Variants in DDX11 observed in about 807,000 individuals in gnomAD.
DDX11 encodes the protein DEAD/H-box helicase 11, also known as ATP-dependent DNA helicase DDX11.
DDX11 carries 72 observed loss-of-function variants against 125.2 expected under a neutral mutation model. The ratio of observed to expected loss-of-function variants is 0.58; its 90% CI spans 0.48 to 0.70. The LOEUF is 0.70. DDX11 is among the 30% of genes least tolerant of loss of function. The pLI is 0.00. For synonymous variants in DDX11, 347 were observed against 452.6 expected, an observed-to-expected ratio of 0.77 and a Z score of 2.96; for missense variants, 883 against 1,165.0, an observed-to-expected ratio of 0.76 and a Z score of 3.52.
intron 25 of DDX11, 73 bp from the exon 26 acceptor site, chr12:31,103,504 G>C (rs1172018309): frequency 1.2e-6 from 2 of 1,610,470 alleles, no homozygotes; most frequent in Non-Finnish European, 1.7e-6. Flanking sequence ...GGAAGGGGAG[G>C]GGGTCGCCGT....
chr12:31,091,972 G>C (rs1944323985), intron 10 of DDX11, 101 bp downstream of exon 10: 1 of 1,536,808 alleles, frequency 6.5e-7, no homozygotes, highest in Non-Finnish European at 9.0e-7. Context: ...CGGAGGTGGG[G>C]CTTGATAGAG....
intron 11 of DDX11, 29 bp from the exon 12 acceptor site, chr12:31,093,216 C>T (rs764512450): frequency 1.4e-5 from 22 of 1,601,572 alleles, no homozygotes; most frequent in Non-Finnish European, 1.9e-5. Context: ...CAGGGCACCA[C>T]CACTTAATGT....
chr12:31,089,868 T>A lies in DDX11; in HGVS notation c.881-18T>A. 6.2e-7 allele frequency: 1 copy of A among 1,610,268 alleles called. No homozygotes were observed. ...CTGTCCTCTCTGTTTTCTCTCTTTG[T>A]GCCTGTGCCACCCTCAGAGAAGAAG... is the stretch of plus-strand genomic sequence containing the variant. On this transcript the variant is annotated intron_variant, in intron 8 of 26. Coordinates refer to ENST00000542838, the MANE Select transcript of DDX11 (RefSeq NM_030653.4).
At chr12:31,095,603 A>G (rs1177387384) in intron 14 of DDX11, among the ~76,000 whole-genome samples, 2 of 152,176 alleles carry the variant, frequency 1.3e-5, no homozygotes, top group African/African-American at 4.8e-5. Context: ...TCCCTGCCAG[A>G]CAGGCTGGAT....
intron 3 of DDX11, 58 bp from the exon 4 acceptor site, chr12:31,084,525 A>T: frequency 4.8e-6 from 7 of 1,472,078 alleles, no homozygotes; most frequent in Non-Finnish European, 6.5e-6. Context: ...CAGACTCCTT[A>T]GGAGAGGCCT....
chr12:31,097,855 C>G, intron 17 of DDX11, 30 bp from the exon 18 acceptor site: 1 of 1,409,788 alleles, frequency 7.1e-7, no homozygotes, highest in Non-Finnish European at 1.0e-6. Context: ...GTTGGGCTTG[C>G]ACTCACCTCC....
chr12:31,086,005 C>T (rs1164426244), intron 5 of DDX11: 3 of 452,850 alleles, frequency 6.6e-6, no homozygotes, highest in Non-Finnish European at 8.8e-6. Context: ...TCATCCCCGG[C>T]CTTCACAGTC....
Position 31,087,580 on chromosome 12 carries a change from T to G in DDX11, c.639-358T>G, listed in dbSNP as rs2429885. The G allele has an allele frequency of 3.5e-5, 13 of 366,552 alleles. No individual in the cohort carries two copies. In the Admixed American group the frequency reaches 4.5e-4, roughly 13 times the overall value. The allele number at this position is 366,552 out of a possible 1,614,324, so 22.7% of individuals were successfully genotyped here. A position where few individuals can be genotyped will look rare whatever the true frequency, so the allele number is the denominator to read the frequency against. On this transcript the variant is annotated intron_variant, in intron 5 of 26. Transcript: ENST00000542838. ...TCCAGGCACAGAACATCCGAAGGCC[T>G]GAGATGATGAAGAGCAAATATCCGC...
intron 17 of DDX11, among the ~76,000 whole-genome samples, chr12:31,097,233 C>T (rs1277623957): frequency 5.9e-5 from 9 of 151,418 alleles, no homozygotes; most frequent in African/African-American, 1.9e-4. Flanking sequence ...GGGAGGAGAT[C>T]GAGGAGCTGG....
intron 11 of DDX11, 98 bp downstream of exon 11, chr12:31,092,990 C>T (rs141731369): frequency 0.024 from 33,908 of 1,403,780 alleles, 2,446 homozygotes; most frequent in East Asian, 0.22. Context: ...ACCTCTGGCC[C>T]GGGCTGTGGC....
chr12:31,084,127 G>T, intron 3 of DDX11, 66 bp downstream of exon 3: 1 of 1,595,044 alleles, frequency 6.3e-7, no homozygotes, highest in Non-Finnish European at 8.6e-7. Context: ...TTGTTCTGGG[G>T]CGATTCCGAG....
chr12:31,088,543 T>A (rs1192785468), intron 6 of DDX11, among the ~76,000 whole-genome samples: 1 of 152,108 alleles, frequency 6.6e-6, no homozygotes, highest in Non-Finnish European at 1.5e-5. Context: ...GTTTCATTGA[T>A]TTATGACTTG....
intron 1 of DDX11, among the ~76,000 whole-genome samples, chr12:31,077,654 T>C (rs955095186): frequency 3.9e-5 from 6 of 152,032 alleles, no homozygotes; most frequent in African/African-American, 1.2e-4. Flanking sequence ...GAGACCATCC[T>C]GGCTAACACG....
chr12:31,103,775 A>G (rs561289260), intron 26 of DDX11, 32 bp from the exon 27 acceptor site: 1 of 1,613,632 alleles, frequency 6.2e-7, no homozygotes, highest in African/African-American at 1.3e-5. Context: ...CCACCCCGAG[A>G]TCACATTTCT....
intron 5 of DDX11, among the ~76,000 whole-genome samples, chr12:31,086,452 G>A (rs1310170894): frequency 6.6e-6 from 1 of 151,820 alleles, no homozygotes; most frequent in Non-Finnish European, 1.5e-5. Context: ...GTAATTCCAG[G>A]CTGCGCATGT....
intron 12 of DDX11, among the ~76,000 whole-genome samples, chr12:31,093,990 C>T (rs1392406498): frequency 6.0e-5 from 9 of 150,366 alleles, no homozygotes; most frequent in Non-Finnish European, 8.9e-5. Context: ...CCTGTGAGAA[C>T]GCAGTGCTGG....
At chr12:31,100,944 A>G in intron 19 of DDX11, 83 bp from the exon 20 acceptor site, 1 of 1,319,100 alleles carries the variant, frequency 7.6e-7, no homozygotes, top group Non-Finnish European at 1.1e-6. Flanking sequence ...GTGCTGGATG[A>G]TGGGGCAGGG....
At chr12:31,086,522 G>A (rs1943189195) in intron 5 of DDX11, among the ~76,000 whole-genome samples, 1 of 152,028 alleles carries the variant, frequency 6.6e-6, no homozygotes. Context: ...ATGCCTCGCT[G>A]GTGAGAGGGG....
chr12:31,075,703 A>G (rs1172540922), intron 1 of DDX11, among the ~76,000 whole-genome samples: 1 of 152,198 alleles, frequency 6.6e-6, no homozygotes, highest in Admixed American at 6.5e-5. Flanking sequence ...TCATTCGTTC[A>G]TCAGATTTTT....
Sources: allele counts gnomAD v4.1 joint callset (sites outside exome capture counted in the v4.1 genomes callset), GRCh38; gene constraint gnomAD v4.1.1; transcripts MANE v1.5; gene names NCBI Gene and HGNC (gene_info 2026-07-23, HGNC 2026-07-21).